TTLL1: variants seen among roughly 807,000 people sequenced by gnomAD.
TTLL1 encodes polyglutamylase complex subunit TTLL1.
TTLL1 carries 33 observed loss-of-function variants against 47.8 expected under a neutral mutation model. That is an observed-to-expected ratio of 0.69 (90% confidence interval 0.52 to 0.92). The LOEUF is 0.92. TTLL1 is among the 40% of genes least tolerant of loss of function. TTLL1 has a pLI of 0.00. For synonymous variants in TTLL1, 225 were observed against 214.1 expected, an observed-to-expected ratio of 1.05 and a Z score of -0.45; for missense variants, 488 against 547.5, an observed-to-expected ratio of 0.89 and a Z score of 1.08.
At chr22:43,070,309 C>G (rs1928033542) in intron 3 of TTLL1, 1 of 846,256 alleles carries the variant, frequency 1.2e-6, no homozygotes, top group Admixed American at 2.5e-5. Context: ...CTTGGAGAGT[C>G]TGCTGAAGGG....
intron 8 of TTLL1, among the ~76,000 whole-genome samples, chr22:43,056,839 C>T (rs1242178593): frequency 6.6e-6 from 1 of 152,080 alleles, no homozygotes; most frequent in Non-Finnish European, 1.5e-5. Context: ...GTCACCCAGA[C>T]TGGAGTGCAT....
Position 43,071,388 on chromosome 22 carries a change from CTTTTGTTTTG to C in TTLL1, c.114-1554_114-1545del, listed in dbSNP as rs538972456. Among the ~76,000 whole-genome samples, 301 of 151,964 alleles carry C rather than the reference CTTTTGTTTTG, an allele frequency of 2.0e-3. 2 individuals carry two copies. The highest frequency in any genetic ancestry group is 6.8e-3 in the African/African-American group (283 of 41,380). ...AGTGGCTCACGTCTGTAATCCAGCA[CTTTTGTTTTG>C]TTTTGTTTTGTTTTGTTTATTTGTT... On this transcript the variant is annotated intron_variant, in intron 3 of 10. Transcript: ENST00000266254.
chr22:43,046,391 C>T lies in TTLL1; in HGVS notation c.1142+19G>A, dbSNP rs542202384. The T allele has an allele frequency of 2.5e-6, 4 of 1,612,330 alleles. No individual in the cohort carries two copies. The South Asian group carries it at 3.3e-5, about 13-fold the overall frequency. On this transcript the variant is annotated intron_variant, in intron 10 of 10. Transcript: ENST00000266254. ...TCGGAAACACAGAAGGACAAGCGCA[C>T]AGTCACACACACACTTACAGAATCT...
At chr22:43,080,269 G>C (rs1249044189) in intron 1 of TTLL1, among the ~76,000 whole-genome samples, 2 of 151,928 alleles carry the variant, frequency 1.3e-5, no homozygotes, top group African/African-American at 4.8e-5. Context: ...TGGCCAGGCT[G>C]GTCTCAAACT....
intron 8 of TTLL1, chr22:43,052,194 G>T: frequency 7.6e-6 from 3 of 394,082 alleles, no homozygotes; most frequent in South Asian, 4.6e-5. Context: ...AGAGTGAACG[G>T]ATGTCCAGCT....
At chr22:43,073,704 AC>A (rs933261038) in intron 3 of TTLL1, among the ~76,000 whole-genome samples, 27 of 152,062 alleles carry the variant, frequency 1.8e-4, no homozygotes, top group Non-Finnish European at 3.2e-4. Flanking sequence ...AAAGTACTTA[AC>A]CCACCCCCCC....
intron 1 of TTLL1, among the ~76,000 whole-genome samples, chr22:43,081,201 C>G (rs1203237152): frequency 6.6e-6 from 1 of 152,048 alleles, no homozygotes; most frequent in African/African-American, 2.4e-5. Context: ...CAAGCGTGAG[C>G]CACCGCGCCC....
intron 9 of TTLL1, among the ~76,000 whole-genome samples, chr22:43,047,065 A>G (rs1014634645): frequency 1.3e-5 from 2 of 152,208 alleles, no homozygotes; most frequent in East Asian, 1.9e-4. Flanking sequence ...TCAATGAAAT[A>G]TAAGTAATAC....
At chr22:43,070,023 A>C (rs1367249767) in intron 3 of TTLL1, 179 bp from the exon 4 acceptor site, 1 of 1,199,826 alleles carries the variant, frequency 8.3e-7, no homozygotes, top group Non-Finnish European at 1.2e-6. Flanking sequence ...GCCCAGGGAC[A>C]GGCCGGGACC....
chr22:43,068,288 G>A (rs991978398), intron 5 of TTLL1, 122 bp downstream of exon 5: 3 of 833,376 alleles, frequency 3.6e-6, no homozygotes, highest in African/African-American at 3.5e-5. Flanking sequence ...CTGTAATCCT[G>A]CCTGGGCGAC....
Position 43,077,065 on chromosome 22 carries a change from C to T in TTLL1, c.-4-1475G>A, listed in dbSNP as rs967653902. On this transcript the variant is annotated intron_variant, in intron 2 of 10. Coordinates refer to ENST00000266254, the MANE Select transcript of TTLL1 (RefSeq NM_012263.5). ...GCAGTGAGCGGAGATCGCACCACTG[C>T]ACTCCAGCCTGGGTGACAGAGTGAG... Among the ~76,000 whole-genome samples, 5 of 152,086 alleles carry T rather than the reference C, an allele frequency of 3.3e-5. No homozygotes were observed. In the East Asian group the frequency reaches 7.8e-4, roughly 24 times the overall value.
intron 1 of TTLL1, among the ~76,000 whole-genome samples, chr22:43,086,837 C>G (rs931517872): frequency 6.6e-6 from 1 of 152,208 alleles, no homozygotes; most frequent in African/African-American, 2.4e-5. Context: ...CATTTCCCAC[C>G]CAGCAGCGGA....
chr22:43,061,589 G>C (rs1451021619), intron 7 of TTLL1, among the ~76,000 whole-genome samples: 1 of 151,396 alleles, frequency 6.6e-6, no homozygotes, highest in Non-Finnish European at 1.5e-5. Context: ...TCAAATCAAA[G>C]AAGGAGTCTT....
intron 10 of TTLL1, chr22:43,041,192 G>A (rs1038192677): frequency 1.3e-5 from 2 of 152,154 alleles, no homozygotes; most frequent in African/African-American, 2.4e-5. Context: ...TTTCTAATTC[G>A]GAGTTTTTTG....
In TTLL1 at chr22:43,069,641, T is replaced by C. The variant is rs1478727801; in HGVS notation, c.317A>G (p.Tyr106Cys). ...CCGGTGGAAGACGCACAAACCCAGA[T>C]AGAGGTATTTTCCATTTTCATCTTT... ...AEKDENGKYL[Y>C]LDFVPVTYML... The change falls in exon 4 of 11, where the codon TAT becomes TGT. Residue 106 changes from tyrosine to cysteine, a missense_variant. By Grantham distance (194) the Tyr-to-Cys change is radical. Transcript: ENST00000266254. 5 of 1,613,946 alleles carry C rather than the reference T, an allele frequency of 3.1e-6. No individual in the cohort carries two copies. In the Admixed American group the frequency reaches 6.7e-5, roughly 22 times the overall value.
At chr22:43,046,164 T>C (rs539622761) in intron 10 of TTLL1, among the ~76,000 whole-genome samples, 12 of 152,232 alleles carry the variant, frequency 7.9e-5, no homozygotes, top group African/African-American at 2.6e-4. Context: ...GAGGTTGCAG[T>C]GAGCCAAGAT....
At chr22:43,065,582 C>T (rs1295400034) in intron 5 of TTLL1, among the ~76,000 whole-genome samples, 2 of 151,542 alleles carry the variant, frequency 1.3e-5, no homozygotes, top group Admixed American at 1.3e-4. Flanking sequence ...GTGCCACACA[C>T]ATGGCCAAAT....
intron 1 of TTLL1, among the ~76,000 whole-genome samples, chr22:43,083,979 C>T (rs935387681): frequency 1.3e-5 from 2 of 152,136 alleles, no homozygotes; most frequent in African/African-American, 4.8e-5. Flanking sequence ...TGGTTAATTT[C>T]CTTGACATTA....
At chr22:43,058,747 T>C (rs2056949) in intron 8 of TTLL1, among the ~76,000 whole-genome samples, 89,581 of 151,680 alleles carry the variant, frequency 0.59, 28,686 homozygotes, top group African/African-American at 0.82. Flanking sequence ...CAGGCTGGAG[T>C]GCAATGGCGC....
Sources: gnomAD v4.1 joint callset for allele counts (sites outside exome capture counted in the v4.1 genomes callset) on GRCh38, gnomAD v4.1.1 for gene constraint, MANE v1.5 for transcripts, NCBI Gene and HGNC (gene_info 2026-07-23, HGNC 2026-07-21) for gene names.